Variants in ITGBL1 observed in about 807,000 individuals in gnomAD.
The protein encoded by ITGBL1 is integrin beta-like protein 1.
A neutral mutation model predicts 68.5 loss-of-function variants in ITGBL1; 51 were observed. The ratio of observed to expected loss-of-function variants is 0.74; its 90% CI spans 0.59 to 0.94. The LOEUF (loss-of-function observed/expected upper bound fraction) is 0.94. Among genes scored for constraint, ITGBL1 ranks in the 40% least tolerant of loss-of-function variants. ITGBL1 has a pLI of 0.00. For synonymous variants in ITGBL1, 209 were observed against 227.3 expected (o/e 0.92, Z 0.72); for missense variants, 649 against 647.4 (o/e 1.00, Z -0.03).
At chr13:101,498,374 T>C (rs2048889344) in intron 2 of ITGBL1, among the ~76,000 whole-genome samples, 1 of 152,188 alleles carries the variant, frequency 6.6e-6, no homozygotes, top group African/African-American at 2.4e-5. Flanking sequence ...TAATGATTTG[T>C]CTTAGAGTAG....
At chr13:101,490,111 A>G in intron 2 of ITGBL1, 1 of 714,662 alleles carries the variant, frequency 1.4e-6, no homozygotes, top group Non-Finnish European at 2.3e-6. Context: ...TGGTATTTGG[A>G]GGTGGGGCCT....
intron 7 of ITGBL1, among the ~76,000 whole-genome samples, chr13:101,681,155 T>C (rs1451805832): frequency 6.6e-6 from 1 of 152,206 alleles, no homozygotes; most frequent in Non-Finnish European, 1.5e-5. Context: ...TGAGCCCTGC[T>C]AAACCTATTC....
intron 2 of ITGBL1, among the ~76,000 whole-genome samples, chr13:101,472,587 TGAG>T (rs940261230): frequency 6.6e-6 from 1 of 152,166 alleles, no homozygotes; most frequent in Non-Finnish European, 1.5e-5. Flanking sequence ...TCAACTTACT[TGAG>T]AAGAAAGGAA....
chr13:101,482,442 C>A (rs963418396), intron 2 of ITGBL1, among the ~76,000 whole-genome samples: 3 of 151,492 alleles, frequency 2.0e-5, no homozygotes, highest in Non-Finnish European at 4.4e-5. Context: ...TAATAAAATT[C>A]CTCATGAAAA....
Position 101,462,622 on chromosome 13 carries a change from G to A in ITGBL1, c.316+8522G>A, listed in dbSNP as rs966052470. Among the ~76,000 whole-genome samples, 6 of 152,068 alleles carry A rather than the reference G, an allele frequency of 3.9e-5. No individual in the cohort carries two copies. The South Asian group carries it at 1.0e-3, about 26-fold the overall frequency. ...TTTTGAGTTGGATTCTCGCTGTGTT[G>A]CCGAGGCTGGAGTGCAGTGGAGCAA... On this transcript the variant is annotated intron_variant, in intron 2 of 10. Transcript: ENST00000376180.
chr13:101,528,648 A>G (rs1431828315), intron 2 of ITGBL1, among the ~76,000 whole-genome samples: 1 of 151,990 alleles, frequency 6.6e-6, no homozygotes, highest in African/African-American at 2.4e-5. Flanking sequence ...TGGTTTAGAA[A>G]CAAGTTGTTT....
intron 7 of ITGBL1, among the ~76,000 whole-genome samples, chr13:101,654,539 T>A (rs9554815): frequency 0.28 from 41,905 of 152,034 alleles, 5,848 homozygotes; most frequent in Non-Finnish European, 0.3. Flanking sequence ...AGGTCATTTT[T>A]GGTCTGAGTT....
intron 2 of ITGBL1, among the ~76,000 whole-genome samples, chr13:101,559,786 G>T (rs2050070006): frequency 6.6e-6 from 1 of 152,116 alleles, no homozygotes; most frequent in African/African-American, 2.4e-5. Flanking sequence ...CCATCTCACT[G>T]GCTCATTATG....
chr13:101,665,342 C>T (rs1408222238), intron 7 of ITGBL1, among the ~76,000 whole-genome samples: 1 of 151,880 alleles, frequency 6.6e-6, no homozygotes, highest in African/African-American at 2.4e-5. Context: ...GAGGTCTTGA[C>T]ATATTTCATG....
intron 7 of ITGBL1, among the ~76,000 whole-genome samples, chr13:101,652,184 C>T (rs1219662221): frequency 1.2e-4 from 18 of 152,146 alleles, no homozygotes; most frequent in Admixed American, 1.2e-3. Context: ...TCATGTCGCC[C>T]AGGCTAGAGT....
At chr13:101,469,981 G>T (rs2048435293) in intron 2 of ITGBL1, among the ~76,000 whole-genome samples, 2 of 152,188 alleles carry the variant, frequency 1.3e-5, no homozygotes, top group African/African-American at 4.8e-5. Flanking sequence ...CTGAGCCTCA[G>T]TTCAGTTAAA....
chr13:101,561,407 T>A, intron 2 of ITGBL1, among the ~76,000 whole-genome samples: 1 of 152,108 alleles, frequency 6.6e-6, no homozygotes, highest in East Asian at 1.9e-4. Flanking sequence ...GGGGAAAGGG[T>A]AATACATCTC....
intron 6 of ITGBL1, among the ~76,000 whole-genome samples, chr13:101,585,539 T>A (rs766487736): frequency 5.3e-5 from 8 of 152,174 alleles, no homozygotes; most frequent in Non-Finnish European, 8.8e-5. Context: ...CACACCATTC[T>A]CCTGCCTCAG....
At chr13:101,635,405 CTT>C (rs2032138140) in intron 7 of ITGBL1, among the ~76,000 whole-genome samples, 2 of 152,040 alleles carry the variant, frequency 1.3e-5, no homozygotes, top group South Asian at 2.1e-4. Context: ...AATATAATCT[CTT>C]TGAAATAAAC....
At chr13:101,458,712 G>A (rs1157461585) in intron 2 of ITGBL1, among the ~76,000 whole-genome samples, 1 of 152,114 alleles carries the variant, frequency 6.6e-6, no homozygotes, top group Non-Finnish European at 1.5e-5. Flanking sequence ...ATCATCTCTT[G>A]ATTACATATA....
chr13:101,507,290 C>T (rs866655060), intron 2 of ITGBL1, among the ~76,000 whole-genome samples: 5 of 152,238 alleles, frequency 3.3e-5, no homozygotes, highest in Non-Finnish European at 5.9e-5. Flanking sequence ...ACCCCGGCAC[C>T]AAGGACAGTG....
chr13:101,692,152 CT>C (rs199838196), intron 7 of ITGBL1, among the ~76,000 whole-genome samples: 2 of 151,446 alleles, frequency 1.3e-5, no homozygotes, highest in African/African-American at 2.4e-5. Flanking sequence ...CCTATGACCA[CT>C]TTTTTTTTCT....
chr13:101,688,808 C>G (rs759843059), intron 7 of ITGBL1, among the ~76,000 whole-genome samples: 6 of 152,078 alleles, frequency 3.9e-5, no homozygotes, highest in Non-Finnish European at 7.4e-5. Context: ...ATTTCAAATT[C>G]AAGTTCTACC....
rs933088726 is a variant in ITGBL1, at chr13:101,706,638, G to A, written c.1133-118G>A. ...ACATGCCAAATTGACTATGCATAAA[G>A]AAGAATGTGTTGGATGGGAAATGAG... On this transcript the variant is annotated intron_variant, in intron 8 of 10. Transcript: ENST00000376180. The A allele has an allele frequency of 1.3e-5, 13 of 1,012,382 alleles. No homozygotes were observed. In the Admixed American group the frequency reaches 1.7e-4, roughly 14 times the overall value. The allele number at this position is 1,012,382 out of a possible 1,614,324, so 62.7% of individuals were successfully genotyped here.
Sources: gnomAD v4.1 joint callset for allele counts (sites outside exome capture counted in the v4.1 genomes callset) on GRCh38, gnomAD v4.1.1 for gene constraint, MANE v1.5 for transcripts, NCBI Gene and HGNC (gene_info 2026-07-23, HGNC 2026-07-21) for gene names.